The following AP3B1 variants were observed in gnomAD, a reference collection of about 807,000 sequenced individuals.
The protein encoded by AP3B1 is AP-3 complex subunit beta-1.
AP3B1 carries 61 observed loss-of-function variants against 132.5 expected under a neutral mutation model. The ratio of observed to expected loss-of-function variants is 0.46; its 90% CI spans 0.37 to 0.57. AP3B1 has a LOEUF of 0.57. Among genes scored for constraint, AP3B1 ranks in the 20% least tolerant of loss-of-function variants. AP3B1 has a pLI of 0.00. For synonymous variants in AP3B1, 388 were observed against 438.3 expected, an observed-to-expected ratio of 0.89 and a Z score of 1.43; for missense variants, 1,120 against 1,289.4, an observed-to-expected ratio of 0.87 and a Z score of 2.01.
chr5:78,117,177 T>C (rs1010399519), intron 17 of AP3B1, among the ~76,000 whole-genome samples: 1 of 151,046 alleles, frequency 6.6e-6, no homozygotes, highest in Non-Finnish European at 1.5e-5. Flanking sequence ...ACCACCTTTT[T>C]TTTTTTTTTT....
downstream of AP3B1, chr5:78,001,701 T>A (rs1746207049): frequency 6.6e-6 from 1 of 152,244 alleles, no homozygotes; most frequent in Non-Finnish European, 1.5e-5. Context: ...TCAAGCAATG[T>A]ACAGTCACTT....
At chr5:78,202,683 G>A (rs1745346809) in intron 7 of AP3B1, among the ~76,000 whole-genome samples, 1 of 151,816 alleles carries the variant, frequency 6.6e-6, no homozygotes, top group Non-Finnish European at 1.5e-5. Context: ...TTGCATCTGA[G>A]GGCAAACAAC....
intron 1 of AP3B1, among the ~76,000 whole-genome samples, chr5:78,278,629 G>C (rs1355129618): frequency 5.2e-5 from 4 of 76,792 alleles, no homozygotes; most frequent in South Asian, 9.4e-4. Flanking sequence ...AAAAAAAGGG[G>C]GGGGGGGACT....
chr5:78,291,420 G>GAAAAAAAA (rs5868911), intron 1 of AP3B1, among the ~76,000 whole-genome samples: 6 of 85,716 alleles, frequency 7.0e-5, no homozygotes, highest in East Asian at 4.3e-4. Context: ...CAGATAATTT[G>GAAAAAAAA]AAAAAAAAAA....
Position 78,121,488 on chromosome 5 carries a change from T to G in AP3B1, c.1969-5254A>C, listed in dbSNP as rs185408742. On this transcript the variant is annotated intron_variant, in intron 17 of 26. Transcript: ENST00000255194. ...AGAAAAGAGAGAAGAATCAAATAGA[T>G]GCAATAAAAAATGATAAAAGGGATA... Among the ~76,000 whole-genome samples the G allele has an allele frequency of 6.6e-3, 1,004 of 151,886 alleles. 10 individuals carry two copies. Among genetic ancestry groups the G allele is most frequent in the African/African-American group, 0.023 (957 of 41,404 alleles).
chr5:78,045,501 A>C (rs1748289472), intron 22 of AP3B1, among the ~76,000 whole-genome samples: 1 of 152,132 alleles, frequency 6.6e-6, no homozygotes, highest in Non-Finnish European at 1.5e-5. Flanking sequence ...GATAAAATAC[A>C]TAGGTGATAT....
chr5:78,154,103 T>TC (rs1743031373), intron 14 of AP3B1, among the ~76,000 whole-genome samples: 1 of 152,190 alleles, frequency 6.6e-6, no homozygotes, highest in South Asian at 2.1e-4. Context: ...ATTGAAGAGC[T>TC]CCTTTTAGCA....
intron 19 of AP3B1, among the ~76,000 whole-genome samples, chr5:78,113,025 C>T (rs1243676118): frequency 6.6e-6 from 1 of 152,172 alleles, no homozygotes; most frequent in African/African-American, 2.4e-5. Flanking sequence ...GGGAGAGCTG[C>T]TTTAATTACT....
intron 13 of AP3B1, among the ~76,000 whole-genome samples, chr5:78,160,357 T>C (rs768346651): frequency 1.3e-4 from 20 of 152,274 alleles, no homozygotes; most frequent in Middle Eastern, 3.4e-3. Flanking sequence ...TTCGCTAATA[T>C]GTTACCTAAA....
intron 11 of AP3B1, among the ~76,000 whole-genome samples, chr5:78,168,207 G>A (rs894485197): frequency 1.3e-5 from 2 of 148,728 alleles, no homozygotes; most frequent in African/African-American, 5.0e-5. Flanking sequence ...TTAACTTTTA[G>A]ACAACTTTTT....
intron 1 of AP3B1, among the ~76,000 whole-genome samples, chr5:78,271,963 G>A (rs939660987): frequency 5.3e-5 from 8 of 152,104 alleles, no homozygotes; most frequent in Admixed American, 2.6e-4. Flanking sequence ...CCCCTTCCAG[G>A]CTCTAACAAT....
intron 13 of AP3B1, among the ~76,000 whole-genome samples, chr5:78,161,504 A>C (rs1396296755): frequency 6.6e-6 from 1 of 151,994 alleles, no homozygotes; most frequent in Non-Finnish European, 1.5e-5. Context: ...GCACAGGAAA[A>C]TTTCTTTAAA....
chr5:78,151,120 T>C (rs896966591), intron 14 of AP3B1, among the ~76,000 whole-genome samples: 47 of 152,128 alleles, frequency 3.1e-4, no homozygotes, highest in African/African-American at 2.4e-5. Context: ...GGTTTTACCA[T>C]GTTGGCCAGG....
chr5:78,156,611 A>G (rs1743159496), intron 13 of AP3B1, among the ~76,000 whole-genome samples: 1 of 152,156 alleles, frequency 6.6e-6, no homozygotes, highest in Non-Finnish European at 1.5e-5. Flanking sequence ...TTCCTTTCTT[A>G]TCTCTGCATC....
In AP3B1 at chr5:78,128,989, C is replaced by T. The variant is rs1481425492; in HGVS notation, c.1837+132G>A. The T allele has an allele frequency of 4.9e-5, 38 of 773,644 alleles. No homozygotes were observed. The East Asian group carries it at 6.6e-4, about 14-fold the overall frequency. The allele number at this position is 773,644 out of a possible 1,614,324, so 47.9% of individuals were successfully genotyped here. ...AGCAGATGAATGAGTAGAAAGCATGCTGTTCTTATATATTTATATATGCGA... is the reference window on the plus strand; with the variant it reads ...AGCAGATGAATGAGTAGAAAGCATGTTGTTCTTATATATTTATATATGCGA... On this transcript the variant is annotated intron_variant, in intron 16 of 26. Transcript: ENST00000255194.
Position 78,035,829 on chromosome 5 carries a change from G to A in AP3B1, c.2810-1384C>T, listed in dbSNP as rs905051503. Among the ~76,000 whole-genome samples, 3 of 152,048 alleles carry A rather than the reference G, an allele frequency of 2.0e-5. No homozygotes were observed. The East Asian group carries it at 5.8e-4, about 29-fold the overall frequency. On this transcript the variant is annotated intron_variant, in intron 23 of 26. Coordinates refer to ENST00000255194, the MANE Select transcript of AP3B1 (RefSeq NM_003664.5). ...AAATCTCTAGCAAACAGGCTTTACT[G>A]TAGGGTAAATAACTATAATGATACA...
At chr5:78,274,970 C>T (rs911663090) in intron 1 of AP3B1, among the ~76,000 whole-genome samples, 1 of 151,846 alleles carries the variant, frequency 6.6e-6, no homozygotes, top group Non-Finnish European at 1.5e-5. Flanking sequence ...AGTCAACAAA[C>T]GTAAAGGGCC....
chr5:78,221,625 C>T (rs1345395170), intron 6 of AP3B1, among the ~76,000 whole-genome samples: 3 of 150,144 alleles, frequency 2.0e-5, no homozygotes, highest in Non-Finnish European at 4.4e-5. Context: ...AGAAAAAGAA[C>T]CAAAAGAATA....
At position 78,085,939 on chromosome 5, in the gene AP3B1, G is replaced by A. The variant is rs115276959; in HGVS notation, c.2577+3454C>T. ...GTATATACAAATCATTAAGAGGTTT[G>A]CATTTCATTAAAAACAAAAACAAAA... On this transcript the variant is annotated intron_variant, in intron 22 of 26. Coordinates refer to ENST00000255194, the MANE Select transcript of AP3B1 (RefSeq NM_003664.5). Among the ~76,000 whole-genome samples, 1,457 of 152,254 alleles carry A rather than the reference G, an allele frequency of 9.6e-3. 25 individuals carry two copies. The highest frequency in any genetic ancestry group is 0.032 in the African/African-American group (1,342 of 41,554).
Sources: allele counts gnomAD v4.1 joint callset (sites outside exome capture counted in the v4.1 genomes callset), GRCh38; gene constraint gnomAD v4.1.1; transcripts MANE v1.5; gene names NCBI Gene and HGNC (gene_info 2026-07-23, HGNC 2026-07-21).